Variants in B3GALNT2 observed in about 807,000 individuals in gnomAD.
B3GALNT2 encodes UDP-GalNAc:beta-1,3-N-acetylgalactosaminyltransferase 2.
In B3GALNT2, 53 loss-of-function variants were observed where a neutral mutation model predicts 61.1. The ratio of observed to expected loss-of-function variants is 0.87; its 90% confidence interval spans 0.70 to 1.09. The LOEUF is 1.09. Among genes scored for constraint, B3GALNT2 ranks in the 50% least tolerant of loss-of-function variants. The pLI, the probability that B3GALNT2 is intolerant of heterozygous loss-of-function variation, is 0.00. For synonymous variants in B3GALNT2, 223 were observed against 237.4 expected, an observed-to-expected ratio of 0.94 and a Z score of 0.56; for missense variants, 544 against 623.0, an observed-to-expected ratio of 0.87 and a Z score of 1.35.
chr1:235,442,835 CTTTG>C, downstream of B3GALNT2: 11 of 1,612,886 alleles, frequency 6.8e-6, no homozygotes, highest in Non-Finnish European at 9.3e-6. Flanking sequence ...TAGTCTTTTT[CTTTG>C]TTTCTCTTAA....
chr1:235,442,728 T>C (rs973668993), downstream of B3GALNT2: 3 of 856,000 alleles, frequency 3.5e-6, no homozygotes, highest in East Asian at 5.4e-5. Context: ...ATTTTAAACA[T>C]TGATTAGACC....
rs144848710 is a variant in B3GALNT2, at chr1:235,484,475, G to A, written c.402C>T (p.Asp134=). ...GATCCTCAGGCAGCCCCGATGAAGT[G>A]TCTTCGGACAGACTGAACGCTTCAA... ...QEIEAFSLSE[D]TSSGLPEDRV... Residue 134 remains aspartate (D), a synonymous_variant, in exon 4 of 12, where the codon GAC becomes GAT. Coordinates refer to ENST00000366600, the MANE Select transcript of B3GALNT2 (RefSeq NM_152490.5). 167 of 1,614,166 alleles carry A rather than the reference G, an allele frequency of 1.0e-4. No homozygotes were observed. In the African/African-American group the frequency reaches 1.9e-3, roughly 19 times the overall value.
At position 235,455,671 on chromosome 1, in the gene B3GALNT2, T is replaced by C. The variant is rs1415611009; in HGVS notation, c.1039A>G (p.Thr347Ala). The C allele has an allele frequency of 6.2e-7, 1 of 1,609,372 alleles. No homozygotes were observed. Among genetic ancestry groups the C allele is most frequent in the Non-Finnish European group, 8.5e-7 (1 of 1,175,666 alleles). Residue 347 changes from threonine to alanine, a missense_variant, in exon 9 of 12, where the codon ACG (threonine) becomes GCG (alanine). By Grantham distance (58) the Thr-to-Ala change is moderately conservative. Coordinates refer to ENST00000366600, the MANE Select transcript of B3GALNT2 (RefSeq NM_152490.5). ...GTCTTCAGCAACAAATTGAAGCTCG[T>C]TGTTTCCACAGTCCTGTTGACACAA... ...LNFYRWTVET[T>A]SFNLLLKTDD... is the part of the protein sequence containing the mutation.
intron 4 of B3GALNT2, among the ~76,000 whole-genome samples, chr1:235,483,260 C>G (rs1020074514): frequency 1.3e-5 from 2 of 152,154 alleles, no homozygotes; most frequent in Non-Finnish European, 2.9e-5. Context: ...GTCTTGTGAT[C>G]TGCAGGACAA....
chr1:235,441,977 C>T, the B3GALNT2 span: 2 of 1,083,970 alleles, frequency 1.8e-6, no homozygotes, highest in Admixed American at 2.1e-5. Context: ...CTCTTAAGTA[C>T]CTAAGTAAAT....
chr1:235,453,350 A>G (rs1683014970), intron 10 of B3GALNT2, among the ~76,000 whole-genome samples: 1 of 152,128 alleles, frequency 6.6e-6, no homozygotes, highest in Non-Finnish European at 1.5e-5. Context: ...AGGTAATAAG[A>G]TGAAACCGCG....
intron 1 of B3GALNT2, among the ~76,000 whole-genome samples, chr1:235,500,262 G>A (rs1440733594): frequency 6.6e-6 from 1 of 152,212 alleles, no homozygotes; most frequent in Non-Finnish European, 1.5e-5. Context: ...GGAGGCCGAG[G>A]TGAATGAATC....
downstream of B3GALNT2, among the ~76,000 whole-genome samples, chr1:235,445,203 C>T (rs976575834): frequency 2.6e-5 from 4 of 152,102 alleles, no homozygotes; most frequent in African/African-American, 7.2e-5. Context: ...TCCTTTTTTT[C>T]CCCTTTTTTA....
downstream of B3GALNT2, among the ~76,000 whole-genome samples, chr1:235,445,659 AC>A (rs1231935383): frequency 1.3e-5 from 2 of 151,818 alleles, no homozygotes; most frequent in African/African-American, 4.8e-5. Context: ...ACAAAACAAA[AC>A]TGCAATATCT....
At chr1:235,466,046 T>C (rs891419298) in intron 6 of B3GALNT2, among the ~76,000 whole-genome samples, 2 of 152,140 alleles carry the variant, frequency 1.3e-5, no homozygotes, top group Non-Finnish European at 2.9e-5. Context: ...TAAAAAAATA[T>C]GTATTACGAC....
intron 5 of B3GALNT2, among the ~76,000 whole-genome samples, chr1:235,472,130 A>G (rs914865398): frequency 6.6e-6 from 1 of 152,136 alleles, no homozygotes; most frequent in African/African-American, 2.4e-5. Context: ...TTAATAAAGT[A>G]ATTATCTTAA....
At position 235,484,526 on chromosome 1, in the gene B3GALNT2, A is replaced by G; in HGVS notation, c.362-11T>C. On this transcript the variant is annotated splice_polypyrimidine_tract_variant and intron_variant, in intron 3 of 11. Transcript: ENST00000366600. ...TTTCCTGATTCAAAACTAAGTAATG[A>G]GAACAGGTTTATATAACTGAACAAA... is the stretch of plus-strand genomic sequence containing the variant. The G allele has an allele frequency of 6.2e-7, 1 of 1,613,450 alleles. No homozygotes were observed. Among genetic ancestry groups the G allele is most frequent in the Non-Finnish European group, 8.5e-7 (1 of 1,179,644 alleles).
At chr1:235,463,142 T>C (rs1319736628) in intron 7 of B3GALNT2, among the ~76,000 whole-genome samples, 1 of 152,106 alleles carries the variant, frequency 6.6e-6, no homozygotes, top group African/African-American at 2.4e-5. Context: ...AATCCAAACA[T>C]CGTATGTTCT....
chr1:235,473,441 G>A (rs1684099235), intron 5 of B3GALNT2, among the ~76,000 whole-genome samples: 1 of 152,150 alleles, frequency 6.6e-6, no homozygotes, highest in South Asian at 2.1e-4. Flanking sequence ...TGAGAGTGAC[G>A]ATAACTCTCA....
At chr1:235,496,302 A>C (rs1439427645) in intron 1 of B3GALNT2, 13 of 829,940 alleles carry the variant, frequency 1.6e-5, no homozygotes, top group East Asian at 2.4e-4. Flanking sequence ...CAAGAGTGAG[A>C]CTCCACCTGA....
intron 7 of B3GALNT2, among the ~76,000 whole-genome samples, chr1:235,462,919 A>C (rs1297293039): frequency 1.3e-5 from 2 of 152,242 alleles, no homozygotes; most frequent in Non-Finnish European, 2.9e-5. Context: ...TGAAAAAGAT[A>C]CTTGCACATG....
intron 11 of B3GALNT2, chr1:235,452,162 G>C (rs945388291): frequency 6.6e-6 from 1 of 152,174 alleles, no homozygotes; most frequent in Admixed American, 6.6e-5. Context: ...ACAGGCGCCC[G>C]CCACTATGCC....
chr1:235,489,847 C>T (rs1684982012), intron 2 of B3GALNT2, among the ~76,000 whole-genome samples: 1 of 152,198 alleles, frequency 6.6e-6, no homozygotes. Context: ...ATTAAAACTG[C>T]AGCCTGTTTC....
chr1:235,493,050 T>C (rs896286381), intron 2 of B3GALNT2, among the ~76,000 whole-genome samples: 1 of 152,162 alleles, frequency 6.6e-6, no homozygotes, highest in African/African-American at 2.4e-5. Flanking sequence ...GGCTGCTGTA[T>C]GGAAAATAAA....
Sources: allele counts gnomAD v4.1 joint callset (sites outside exome capture counted in the v4.1 genomes callset), GRCh38; gene constraint gnomAD v4.1.1; transcripts MANE v1.5; gene names NCBI Gene and HGNC (gene_info 2026-07-23, HGNC 2026-07-21).